Variants in SLX4IP observed in about 807,000 individuals in gnomAD.
The protein encoded by SLX4IP is SLX4 interacting protein, also known as protein SLX4IP.
A neutral mutation model predicts 32.9 loss-of-function variants in SLX4IP; 34 were observed. The observed-to-expected ratio is 1.03, with a 90% CI of 0.79 to 1.38. The LOEUF is 1.38. Ranked by LOEUF, SLX4IP falls within the 40% of genes most tolerant of loss-of-function variation. The probability of loss-of-function intolerance (pLI) is 0.00; values close to 1 mark genes in which losing one functional copy is unlikely to be tolerated. For missense variants in SLX4IP, 444 were observed against 479.0 expected (o/e 0.93, Z 0.68); for synonymous variants, 172 against 171.7 (o/e 1.00, Z -0.01).
chr20:10,566,549 G>A (rs970970875), intron 4 of SLX4IP, among the ~76,000 whole-genome samples: 11 of 151,986 alleles, frequency 7.2e-5, no homozygotes, highest in Admixed American at 2.0e-4. Flanking sequence ...CCAGTCCTTC[G>A]TTCCAGGAAC....
chr20:10,458,575 C>T (rs750772520), intron 2 of SLX4IP, among the ~76,000 whole-genome samples: 1 of 151,964 alleles, frequency 6.6e-6, no homozygotes, highest in Non-Finnish European at 1.5e-5. Context: ...TCTATGTGTT[C>T]TCATTCAGCT....
At chr20:10,456,653 T>C (rs2065288359) in intron 1 of SLX4IP, among the ~76,000 whole-genome samples, 2 of 152,258 alleles carry the variant, frequency 1.3e-5, no homozygotes, top group Non-Finnish European at 2.9e-5. Context: ...AATAAGCTTT[T>C]AAATTGAGAA....
chr20:10,497,384 T>C (rs2065677057), intron 2 of SLX4IP, among the ~76,000 whole-genome samples: 1 of 152,196 alleles, frequency 6.6e-6, no homozygotes, highest in African/African-American at 2.4e-5. Context: ...AAATCCCTGA[T>C]ACTTTATGCT....
intron 2 of SLX4IP, among the ~76,000 whole-genome samples, chr20:10,535,074 C>G (rs1343027154): frequency 1.3e-5 from 2 of 152,058 alleles, no homozygotes; most frequent in African/African-American, 4.8e-5. Flanking sequence ...ATGGCATGAT[C>G]GCTCTGGCAA....
At chr20:10,618,940 T>TGGGGGGCTGGGGGGTGGGGGGGGG (rs2067071989) in intron 6 of SLX4IP, among the ~76,000 whole-genome samples, 1 of 41,776 alleles carries the variant, frequency 2.4e-5, no homozygotes, top group Non-Finnish European at 4.9e-5. Context: ...GCTTGGGGGT[T>TGGGGGGCTGGGGGGTGGGGGGGGG]GGGGGGGCGG....
chr20:10,591,731 C>T (rs2066711903), intron 4 of SLX4IP, among the ~76,000 whole-genome samples: 1 of 152,128 alleles, frequency 6.6e-6, no homozygotes, highest in African/African-American at 2.4e-5. Context: ...TTCATCTATG[C>T]TTGCGTGTTA....
At chr20:10,565,506 CCTTGTGCT>C (rs997729104) in intron 4 of SLX4IP, among the ~76,000 whole-genome samples, 1 of 152,088 alleles carries the variant, frequency 6.6e-6, no homozygotes, top group African/African-American at 2.4e-5. Flanking sequence ...GTGGCCACAG[CCTTGTGCT>C]GTTTTTTCCC....
intron 2 of SLX4IP, among the ~76,000 whole-genome samples, chr20:10,501,837 A>T (rs538741422): frequency 1.3e-3 from 202 of 152,370 alleles, no homozygotes; most frequent in Non-Finnish European, 2.4e-3. Context: ...CAACTTTTTA[A>T]AAAAAATCTA....
intron 2 of SLX4IP, among the ~76,000 whole-genome samples, chr20:10,528,192 A>G (rs566641300): frequency 2.0e-5 from 3 of 152,196 alleles, no homozygotes; most frequent in African/African-American, 7.2e-5. Context: ...TTAATTCAAA[A>G]GTTTTCTAAC....
At chr20:10,455,508 T>C (rs2065277396) in intron 1 of SLX4IP, among the ~76,000 whole-genome samples, 1 of 152,140 alleles carries the variant, frequency 6.6e-6, no homozygotes, top group South Asian at 2.1e-4. Flanking sequence ...TTAGTACCCT[T>C]GTTGAAAATC....
At chr20:10,484,811 C>T (rs938481374) in intron 2 of SLX4IP, among the ~76,000 whole-genome samples, 5 of 152,100 alleles carry the variant, frequency 3.3e-5, no homozygotes, top group African/African-American at 1.2e-4. Context: ...CCCAAGTATT[C>T]AAATTGTCCA....
chr20:10,438,169 T>G (rs2065130546), intron 1 of SLX4IP, among the ~76,000 whole-genome samples: 1 of 152,112 alleles, frequency 6.6e-6, no homozygotes, highest in South Asian at 2.1e-4. Context: ...TGAACTTGTT[T>G]AGAAAAGAGG....
chr20:10,612,408 G>A (rs1383991916), intron 6 of SLX4IP, among the ~76,000 whole-genome samples: 2 of 152,142 alleles, frequency 1.3e-5, no homozygotes, highest in Non-Finnish European at 2.9e-5. Context: ...AGCCTGATTC[G>A]ATCAACTCTG....
intron 2 of SLX4IP, among the ~76,000 whole-genome samples, chr20:10,549,153 T>A (rs1203244114): frequency 6.6e-6 from 1 of 152,166 alleles, no homozygotes; most frequent in Non-Finnish European, 1.5e-5. Context: ...AGACTTCTCT[T>A]CTACCCTCAC....
chr20:10,449,885 A>C (rs1427289265), intron 1 of SLX4IP, among the ~76,000 whole-genome samples: 2 of 152,074 alleles, frequency 1.3e-5, no homozygotes, highest in Non-Finnish European at 2.9e-5. Flanking sequence ...TTGGACTTTG[A>C]TGATACTCTT....
intron 1 of SLX4IP, among the ~76,000 whole-genome samples, chr20:10,455,518 C>T (rs1004761358): frequency 2.0e-5 from 3 of 152,048 alleles, no homozygotes; most frequent in Non-Finnish European, 4.4e-5. Flanking sequence ...TGTTGAAAAT[C>T]AATTGAACAT....
At position 10,452,853 on chromosome 20, in the gene SLX4IP, A is replaced by AAAAT. The variant is rs758042913; in HGVS notation, c.-29-5304_-29-5301dup. 2.5e-4 allele frequency among the ~76,000 whole-genome samples: 38 copies of AAAAT among 151,494 alleles called. No individual in the cohort carries two copies. In the East Asian group the frequency reaches 4.3e-3, roughly 17 times the overall value. ...TTGACAAAGTGAGACTCTGTCTCAG[A>AAAAT]AAATAAATAAATAAATAAATAACGT... is the stretch of plus-strand genomic sequence containing the variant. On this transcript the variant is annotated intron_variant, in intron 1 of 7. Transcript: ENST00000334534.
chr20:10,437,812 A>T (rs2065127438), intron 1 of SLX4IP, among the ~76,000 whole-genome samples: 1 of 152,184 alleles, frequency 6.6e-6, no homozygotes, highest in African/African-American at 2.4e-5. Context: ...CATACCTCAT[A>T]TTGTGTGTGG....
At chr20:10,480,402 T>C (rs2065511459) in intron 2 of SLX4IP, among the ~76,000 whole-genome samples, 1 of 140,188 alleles carries the variant, frequency 7.1e-6, no homozygotes, top group South Asian at 2.6e-4. Flanking sequence ...AGGACCCTGT[T>C]TCCAAAAAAA....
Sources: gnomAD v4.1 joint callset for allele counts (sites outside exome capture counted in the v4.1 genomes callset) on GRCh38, gnomAD v4.1.1 for gene constraint, MANE v1.5 for transcripts, NCBI Gene and HGNC (gene_info 2026-07-23, HGNC 2026-07-21) for gene names.